Variants in SAMD12 observed in about 807,000 individuals in gnomAD.
SAMD12 encodes the protein sterile alpha motif domain containing 12, also known as sterile alpha motif domain-containing protein 12.
A neutral mutation model predicts 15.0 loss-of-function variants in SAMD12; 9 were observed. The observed-to-expected ratio is 0.60, with a 90% CI of 0.36 to 1.05. The LOEUF is 1.05. Ranked by LOEUF, SAMD12 falls within the 50% of genes least tolerant of loss-of-function variation. The pLI is 0.01. For missense variants in SAMD12, 230 were observed against 234.2 expected (o/e 0.98, Z 0.12); for synonymous variants, 86 against 90.1 (o/e 0.96, Z 0.25).
chr8:118,229,844 A>C (rs1342135604), intron 4 of SAMD12, among the ~76,000 whole-genome samples: 4 of 152,168 alleles, frequency 2.6e-5, no homozygotes, highest in Non-Finnish European at 4.4e-5. Flanking sequence ...GCCAGTAATG[A>C]GTGCCATCCG....
chr8:118,401,957 AT>A (rs1407278507), intron 3 of SAMD12, among the ~76,000 whole-genome samples: 1 of 152,178 alleles, frequency 6.6e-6, no homozygotes, highest in Admixed American at 6.5e-5. Context: ...CTTGAGGGTG[AT>A]TTACATTTCC....
At chr8:118,301,591 T>C (rs373484665) in intron 4 of SAMD12, among the ~76,000 whole-genome samples, 1 of 152,246 alleles carries the variant, frequency 6.6e-6, no homozygotes, top group African/African-American at 2.4e-5. Context: ...CTTCTGTTTA[T>C]GGTAAATGTA....
At position 118,425,359 on chromosome 8, in the gene SAMD12, A is replaced by G. The variant is rs896340385; in HGVS notation, c.322+14473T>C. 8.1e-4 allele frequency among the ~76,000 whole-genome samples: 123 copies of G among 152,220 alleles called. 3 individuals carry two copies. The highest frequency in any genetic ancestry group is 5.7e-4 in the Non-Finnish European group (39 of 68,032). On this transcript the variant is annotated intron_variant, in intron 3 of 3. Transcript: ENST00000314727. Reference sequence around the variant, plus strand: ...GCAAAACCAAAAAATAAACTGACAGAGTAATTAACAAGTCATCAATAAAAA... The same window carrying G: ...GCAAAACCAAAAAATAAACTGACAGGGTAATTAACAAGTCATCAATAAAAA...
chr8:118,304,508 C>A (rs1042376405), intron 4 of SAMD12, among the ~76,000 whole-genome samples: 4 of 152,158 alleles, frequency 2.6e-5, no homozygotes, highest in Non-Finnish European at 5.9e-5. Flanking sequence ...CGCCTGTAAT[C>A]GCAGCACTTT....
At chr8:118,276,281 A>C (rs1813471933) in intron 4 of SAMD12, among the ~76,000 whole-genome samples, 1 of 152,218 alleles carries the variant, frequency 6.6e-6, no homozygotes, top group African/African-American at 2.4e-5. Context: ...TTTGTCTTAA[A>C]TATTTGGAGC....
Position 118,379,801 on chromosome 8 carries a change from A to G in SAMD12, c.323-101T>C, listed in dbSNP as rs1586633731. 3 of 1,408,956 alleles carry G rather than the reference A, an allele frequency of 2.1e-6. No homozygotes were observed. The African/African-American group carries it at 4.3e-5, about 20-fold the overall frequency. The allele number at this position is 1,408,956 out of a possible 1,614,324, so 87.3% of individuals were successfully genotyped here. A position where few individuals can be genotyped will look rare whatever the true frequency, so the allele number is the denominator to read the frequency against. The stretch of plus-strand genomic sequence containing the variant: ...TAACCCTGCCATCACAGAAGTTTCT[A>G]CCTAAACACAGACATTTTAGAATAA... On this transcript the variant is annotated intron_variant, in intron 3 of 3. Transcript: ENST00000314727.
chr8:118,549,214 C>A (rs1231705790), intron 2 of SAMD12, among the ~76,000 whole-genome samples: 1 of 152,254 alleles, frequency 6.6e-6, no homozygotes, highest in African/African-American at 2.4e-5. Flanking sequence ...TGAGAACGGG[C>A]AGACTGCCAC....
At chr8:118,495,882 T>C (rs1262115800) in intron 2 of SAMD12, among the ~76,000 whole-genome samples, 1 of 152,160 alleles carries the variant, frequency 6.6e-6, no homozygotes, top group Non-Finnish European at 1.5e-5. Flanking sequence ...GCCATCTACT[T>C]GGGGTTTAAG....
At chr8:118,281,314 T>C (rs1313464658) in intron 4 of SAMD12, among the ~76,000 whole-genome samples, 1 of 152,184 alleles carries the variant, frequency 6.6e-6, no homozygotes, top group Non-Finnish European at 1.5e-5. Context: ...ATTGTAGCAG[T>C]GCATGTGTCT....
At chr8:118,338,970 T>C (rs1033252752) in intron 4 of SAMD12, among the ~76,000 whole-genome samples, 1 of 152,194 alleles carries the variant, frequency 6.6e-6, no homozygotes, top group African/African-American at 2.4e-5. Context: ...CCGCCACTTA[T>C]CTCTAAGATT....
At chr8:118,554,776 G>C (rs190744986) in intron 2 of SAMD12, among the ~76,000 whole-genome samples, 3 of 151,884 alleles carry the variant, frequency 2.0e-5, no homozygotes, top group African/African-American at 7.3e-5. Context: ...TCAGTTGAAG[G>C]CCTCAAAAGC....
At chr8:118,307,990 G>A (rs758497009) in intron 4 of SAMD12, among the ~76,000 whole-genome samples, 6 of 152,300 alleles carry the variant, frequency 3.9e-5, no homozygotes, top group Non-Finnish European at 7.4e-5. Flanking sequence ...CTCTTTCCAC[G>A]TGACTGTTTT....
intron 4 of SAMD12, among the ~76,000 whole-genome samples, chr8:118,221,650 T>C (rs896068714): frequency 2.6e-5 from 4 of 152,144 alleles, no homozygotes; most frequent in Non-Finnish European, 4.4e-5. Context: ...GAGACAGGTA[T>C]ACCAGGCTAA....
the SAMD12 span, among the ~76,000 whole-genome samples, chr8:118,133,988 G>A: frequency 2.6e-5 from 4 of 152,142 alleles, no homozygotes; most frequent in Admixed American, 2.0e-4. Context: ...CTTAAATAGC[G>A]GAGATGAAAC....
At chr8:118,433,412 C>CTTTTTTTTTTT (rs67140443) in intron 3 of SAMD12, among the ~76,000 whole-genome samples, 10 of 148,192 alleles carry the variant, frequency 6.7e-5, no homozygotes, top group Non-Finnish European at 6.0e-5. Flanking sequence ...TTGAAAGGGT[C>CTTTTTTTTTTT]TTTTTTTTTT....
chr8:118,354,771 G>A (rs2130612631), intron 4 of SAMD12, among the ~76,000 whole-genome samples: 1 of 152,282 alleles, frequency 6.6e-6, no homozygotes. Context: ...GCTCAAATGA[G>A]AATTAAATCA....
chr8:118,523,823 CAG>C (rs1825457501), intron 2 of SAMD12, among the ~76,000 whole-genome samples: 1 of 152,090 alleles, frequency 6.6e-6, no homozygotes, highest in Admixed American at 6.6e-5. Context: ...TGTCTGAAAA[CAG>C]AGAAGCCATC....
At chr8:118,462,769 C>T (rs1402265093) in intron 2 of SAMD12, among the ~76,000 whole-genome samples, 1 of 152,072 alleles carries the variant, frequency 6.6e-6, no homozygotes, top group African/African-American at 2.4e-5. Flanking sequence ...TCTGGTTATC[C>T]CCGTGTGCTA....
chr8:118,409,765 G>C lies in SAMD12; in HGVS notation c.323-30065C>G, dbSNP rs1270128206. Among the ~76,000 whole-genome samples, 3 of 151,706 alleles carry C rather than the reference G, an allele frequency of 2.0e-5. 1 individual carries two copies. Among genetic ancestry groups the C allele is most frequent in the Non-Finnish European group, 2.9e-5 (2 of 67,980 alleles). ...TGACTAAATTGGCTCACATAAAATAGACTCAAAGTTAAAATAGTTCTTGAA... is the reference window on the plus strand; with the variant it reads ...TGACTAAATTGGCTCACATAAAATACACTCAAAGTTAAAATAGTTCTTGAA... On this transcript the variant is annotated intron_variant, in intron 3 of 3. Transcript: ENST00000314727.
Sources: gnomAD v4.1 joint callset for allele counts (sites outside exome capture counted in the v4.1 genomes callset) on GRCh38, gnomAD v4.1.1 for gene constraint, MANE v1.5 for transcripts, NCBI Gene and HGNC (gene_info 2026-07-23, HGNC 2026-07-21) for gene names.